PEX14: variants seen among roughly 807,000 people sequenced by gnomAD.
PEX14 encodes peroxisomal biogenesis factor 14.
Under a neutral mutation model 49.5 loss-of-function variants are expected in PEX14, and 15 were observed. That is an observed-to-expected ratio of 0.30 (90% confidence interval 0.20 to 0.47). The LOEUF (loss-of-function observed/expected upper bound fraction) is 0.47, where lower values mean the gene tolerates loss of function less well. Ranked by LOEUF, PEX14 falls within the 20% of genes least tolerant of loss-of-function variation. The probability of loss-of-function intolerance (pLI) is 1.00; values close to 1 mark genes in which losing one functional copy is unlikely to be tolerated. For synonymous variants in PEX14, 210 were observed against 212.7 expected, an observed-to-expected ratio of 0.99 and a Z score of 0.11; for missense variants, 398 against 494.8, an observed-to-expected ratio of 0.80 and a Z score of 1.86.
chr1:10,545,925 G>A (rs1199346120), intron 3 of PEX14, among the ~76,000 whole-genome samples: 1 of 152,096 alleles, frequency 6.6e-6, no homozygotes, highest in African/African-American at 2.4e-5. Flanking sequence ...CATGCCTGTG[G>A]TTCCAGCTAC....
chr1:10,629,679 C>T lies in PEX14; in HGVS notation c.826C>T (p.Pro276Ser), dbSNP rs367820085. 5 of 1,613,668 alleles carry T rather than the reference C, an allele frequency of 3.1e-6. No individual in the cohort carries two copies. The change falls in exon 9 of 9, where the codon CCT becomes TCT. Residue 276 changes from proline (P) to serine (S), a missense_variant. Physicochemically the swap from Pro to Ser is moderately conservative, Grantham distance 74. This residue lies in a region of PEX14 where 140 missense variants were observed against 155.5 expected (regional missense o/e 0.90). Transcript: ENST00000356607. This position sits in a 1 kb window ranked among gnomAD's most constrained non-coding sequence, Gnocchi z 8.5. ...CAGCAACGAGTCCACGTCGTCCTCG[C>T]CTGGGAAGGAGGGCCACAGCCCCGA... ...PVSNESTSSSPGKEGHSPEGS... is the reference protein window; with the variant it reads ...PVSNESTSSSSGKEGHSPEGS...
At chr1:10,618,082 A>G (rs968272068) in intron 4 of PEX14, among the ~76,000 whole-genome samples, 2 of 151,988 alleles carry the variant, frequency 1.3e-5, no homozygotes, top group African/African-American at 4.8e-5. Flanking sequence ...ACTGCTAGAT[A>G]CCTCCACCCA....
chr1:10,616,018 C>A (rs955371511), intron 4 of PEX14, among the ~76,000 whole-genome samples: 15 of 152,120 alleles, frequency 9.9e-5, no homozygotes, highest in African/African-American at 3.6e-4. Flanking sequence ...GAGGGAGAGG[C>A]CCTATGTTGA....
intron 2 of PEX14, among the ~76,000 whole-genome samples, chr1:10,518,052 T>G (rs1642002421): frequency 6.6e-6 from 1 of 152,052 alleles, no homozygotes; most frequent in South Asian, 2.1e-4. Context: ...TTTCAGACCT[T>G]TATGGGAAGT....
chr1:10,612,264 A>C (rs748845725), intron 4 of PEX14, among the ~76,000 whole-genome samples: 1 of 152,034 alleles, frequency 6.6e-6, no homozygotes, highest in Non-Finnish European at 1.5e-5. Context: ...CCATAGAGCT[A>C]CCTTGGCCTC....
intron 3 of PEX14, among the ~76,000 whole-genome samples, chr1:10,564,891 A>AT (rs1346046075): frequency 3.4e-4 from 46 of 134,380 alleles, no homozygotes; most frequent in African/African-American, 1.1e-3. Flanking sequence ...ACTTGGTCCT[A>AT]TTTTTTGTAT....
At chr1:10,537,817 T>G (rs1025938535) in intron 3 of PEX14, among the ~76,000 whole-genome samples, 1 of 152,060 alleles carries the variant, frequency 6.6e-6, no homozygotes, top group Non-Finnish European at 1.5e-5. Context: ...CTAATCTGTT[T>G]AATTTTAATA....
chr1:10,528,386 A>G, intron 2 of PEX14: 1 of 599,462 alleles, frequency 1.7e-6, no homozygotes, highest in Non-Finnish European at 2.1e-6. Flanking sequence ...TTCAGAAAGC[A>G]TGAAATTCAA....
At chr1:10,561,815 A>G (rs1639659424) in intron 3 of PEX14, among the ~76,000 whole-genome samples, 1 of 152,044 alleles carries the variant, frequency 6.6e-6, no homozygotes, top group African/African-American at 2.4e-5. Flanking sequence ...TTTATTACCT[A>G]TTATTTTTCT....
At position 10,630,377 on chromosome 1, in the gene PEX14, A is replaced by G. The variant is rs975850237; in HGVS notation, c.*390A>G. ...ACGCATGGCCAGAGCTAGCGTCCCT[A>G]CTGCCTCCCGACTCCTCAGTGGAGG... On this transcript the variant is annotated 3_prime_UTR_variant, in exon 9 of 9. Transcript: ENST00000356607. The surrounding 1 kb of genome is among the most constrained non-coding windows in gnomAD (Gnocchi z 4.1). 1.2e-5 allele frequency: 3 copies of G among 244,626 alleles called. No homozygotes were observed. The highest frequency in any genetic ancestry group is 9.9e-5 in the Admixed American group (2 of 20,208). The allele number at this position is 244,626 out of a possible 1,614,324, so 15.2% of individuals were successfully genotyped here.
chr1:10,489,791 G>T (rs1188526), intron 1 of PEX14, among the ~76,000 whole-genome samples: 1 of 152,102 alleles, frequency 6.6e-6, no homozygotes, highest in African/African-American at 2.4e-5. Flanking sequence ...GGGGATCCCC[G>T]TCTCTCTCCA....
chr1:10,568,194 GATAA>G (rs749305718), intron 3 of PEX14, among the ~76,000 whole-genome samples: 1 of 152,064 alleles, frequency 6.6e-6, no homozygotes, highest in Non-Finnish European at 1.5e-5. Flanking sequence ...CCAGAACAGT[GATAA>G]ATAAAACTGA....
chr1:10,595,284 C>T (rs573501042), intron 3 of PEX14, among the ~76,000 whole-genome samples: 119 of 152,294 alleles, frequency 7.8e-4, no homozygotes, highest in African/African-American at 2.6e-3. Flanking sequence ...GCCTCTTTAC[C>T]TCTCAGAGTC....
intron 2 of PEX14, among the ~76,000 whole-genome samples, chr1:10,507,982 G>A (rs777445041): frequency 6.6e-6 from 1 of 152,146 alleles, no homozygotes; most frequent in Non-Finnish European, 1.5e-5. Flanking sequence ...CTCAAATAAT[G>A]TTTAGAGGTT....
Position 10,560,059 on chromosome 1 carries a change from AT to A in PEX14, c.169+23777del, listed in dbSNP as rs1475577830. On this transcript the variant is annotated intron_variant, in intron 3 of 8. Coordinates refer to ENST00000356607, the MANE Select transcript of PEX14 (RefSeq NM_004565.3). The stretch of plus-strand genomic sequence containing the variant: ...CTAATCTGATTTTTTTCTTCCATCT[AT>A]TTTTTTTTTTTTTTGAGACGGAGTT... Among the ~76,000 whole-genome samples the A allele has an allele frequency of 3.7e-3, 541 of 145,266 alleles. 1 individual carries two copies. Among genetic ancestry groups the A allele is most frequent in the Non-Finnish European group, 5.7e-3 (376 of 66,530 alleles).
Position 10,590,265 on chromosome 1 carries a change from C to T in PEX14, c.170-8973C>T, listed in dbSNP as rs945233854. Among the ~76,000 whole-genome samples, 6 of 152,316 alleles carry T rather than the reference C, an allele frequency of 3.9e-5. No individual in the cohort carries two copies. The East Asian group carries it at 5.8e-4, about 15-fold the overall frequency. ...CCTGCAAACCGTGAGTCGTGCCCCT[C>T]GGCAGGCCTGCACAGGGTTAGCGTG... On this transcript the variant is annotated intron_variant, in intron 3 of 8. Transcript: ENST00000356607.
chr1:10,523,303 A>T (rs1013293566), intron 2 of PEX14, among the ~76,000 whole-genome samples: 10 of 152,144 alleles, frequency 6.6e-5, no homozygotes, highest in Non-Finnish European at 1.5e-4. Flanking sequence ...AATATATGGA[A>T]TTTGTAATAT....
rs895879587 is a variant in PEX14, at chr1:10,597,438, C to G, written c.170-1800C>G. On this transcript the variant is annotated intron_variant, in intron 3 of 8. Transcript: ENST00000356607. This position sits in a 1 kb window ranked among gnomAD's most constrained non-coding sequence, Gnocchi z 5.7. ...GGCTGGAACCTGAGAGGCACAAACTCAGGGCGGGGGTATTCTCTGTTGTTG... is the reference window on the plus strand; with the variant it reads ...GGCTGGAACCTGAGAGGCACAAACTGAGGGCGGGGGTATTCTCTGTTGTTG... Among the ~76,000 whole-genome samples, 28 of 152,196 alleles carry G rather than the reference C, an allele frequency of 1.8e-4. No homozygotes were observed. Among genetic ancestry groups the G allele is most frequent in the Admixed American group, 1.8e-3 (27 of 15,288 alleles).
chr1:10,610,201 G>A (rs1384296213), intron 4 of PEX14, among the ~76,000 whole-genome samples: 2 of 148,524 alleles, frequency 1.3e-5, no homozygotes, highest in African/African-American at 4.9e-5. Flanking sequence ...ATCCTAAGAA[G>A]CCTTTGTCTA....
Sources: gnomAD v4.1 joint callset for allele counts (sites outside exome capture counted in the v4.1 genomes callset) on GRCh38, gnomAD v4.1.1 for gene constraint, gnomAD v4.1.1 regional missense constraint, Gnocchi (gnomAD v3.1) non-coding constraint, MANE v1.5 for transcripts, NCBI Gene and HGNC (gene_info 2026-07-23, HGNC 2026-07-21) for gene names.